The following DCK variants were observed in gnomAD, a reference collection of about 807,000 sequenced individuals.
DCK encodes deoxycytidine kinase.
A neutral mutation model predicts 38.3 loss-of-function variants in DCK; 23 were observed. The observed-to-expected ratio is 0.60, with a 90% CI of 0.43 to 0.85. The LOEUF is 0.85. DCK is among the 40% of genes least tolerant of loss of function. The probability of loss-of-function intolerance (pLI) is 0.00; values close to 1 mark genes in which losing one functional copy is unlikely to be tolerated. For synonymous variants in DCK, 108 were observed against 100.6 expected (o/e 1.07, Z -0.44); for missense variants, 259 against 304.4 (o/e 0.85, Z 1.11).
rs570813765 is a variant in DCK, at chr4:71,025,758, G to C, written c.550-58G>C. Reference sequence around the variant, plus strand: ...CACAGAAAAGAAAATTTTGATGGCAGCAGACAAGAATAATTGTTCCCTGCC... The same window carrying C: ...CACAGAAAAGAAAATTTTGATGGCACCAGACAAGAATAATTGTTCCCTGCC... On this transcript the variant is annotated intron_variant, in intron 4 of 6. Transcript: ENST00000286648. 484 of 1,511,336 alleles carry C rather than the reference G, an allele frequency of 3.2e-4. 6 individuals carry two copies. The South Asian group carries it at 6.0e-3, about 19-fold the overall frequency. The allele number at this position is 1,511,336 out of a possible 1,614,324, so 93.6% of individuals were successfully genotyped here. A position where few individuals can be genotyped will look rare whatever the true frequency, so the allele number is the denominator to read the frequency against.
intron 2 of DCK, among the ~76,000 whole-genome samples, chr4:71,015,362 G>C (rs1395830233): frequency 2.0e-5 from 3 of 152,314 alleles, no homozygotes; most frequent in Middle Eastern, 3.4e-3. Context: ...GTACAAGGAG[G>C]AGCTGGTACC....
rs201460017 is a variant in DCK, at chr4:71,023,633, A to G, written c.476A>G (p.His159Arg). The G allele has an allele frequency of 1.9e-6, 3 of 1,613,384 alleles. No homozygotes were observed. Among genetic ancestry groups the G allele is most frequent in the Non-Finnish European group, 2.5e-6 (3 of 1,179,398 alleles). The change falls in exon 4 of 7, where the codon CAT becomes CGT. Residue 159 changes from histidine to arginine, a missense_variant. His to Arg is a conservative substitution (Grantham distance 29). Transcript: ENST00000286648. Reference sequence around the variant, plus strand: ...GAGTGGACAATTTATCAAGACTGGCATGACTGGATGAATAACCAATTTGGC... The same window carrying G: ...GAGTGGACAATTTATCAAGACTGGCGTGACTGGATGAATAACCAATTTGGC... Reference protein sequence around the residue: ...ETEWTIYQDWHDWMNNQFGQS... With the variant: ...ETEWTIYQDWRDWMNNQFGQS...
rs149277834 is a variant in DCK at position 71,022,374 on chromosome 4, C to G, written c.215C>G (p.Thr72Arg). Reference protein sequence around the residue: ...QSTQDEFEELTMSQKNGGNVL... With the variant: ...QSTQDEFEELRMSQKNGGNVL... Reference sequence around the variant, plus strand: ...TTTGCACATTCAAAATAGGAACTTACAATGTCTCAGAAAAATGGTGGGAAT... The same window carrying G: ...TTTGCACATTCAAAATAGGAACTTAGAATGTCTCAGAAAAATGGTGGGAAT... The change falls in exon 3 of 7, where the codon ACA (threonine) becomes AGA (arginine). Residue 72 changes from threonine to arginine, a missense_variant. This residue lies in a region of DCK where 159 missense variants were observed against 159.0 expected (regional missense o/e 1.00). Transcript: ENST00000286648. The G allele has an allele frequency of 6.6e-7, 1 of 1,512,130 alleles. No individual in the cohort carries two copies. Among genetic ancestry groups the G allele is most frequent in the Non-Finnish European group, 8.9e-7 (1 of 1,128,388 alleles). 93.7% of individuals were successfully genotyped at this position (1,512,130 alleles called of 1,614,324 possible). A position where few individuals can be genotyped will look rare whatever the true frequency, so the allele number is the denominator to read the frequency against.
At chr4:71,028,758 A>AT (rs1242836464) in intron 6 of DCK, 28 of 187,182 alleles carry the variant, frequency 1.5e-4, no homozygotes, top group East Asian at 2.4e-4. Flanking sequence ...ATGCCTAGCT[A>AT]ATTTTTTTTT....
rs201955426 is a variant in DCK, at chr4:71,022,444, C to G, written c.285C>G (p.Thr95=). Residue 95 remains threonine (T), a synonymous_variant, in exon 3 of 7, where the codon ACC becomes ACG. Coordinates refer to ENST00000286648, the MANE Select transcript of DCK (RefSeq NM_000788.3). ...MYEKPERWSF[T]FQTYACLSRI... The stretch of plus-strand genomic sequence containing the variant: ...AGAAACCTGAACGATGGTCTTTTAC[C>G]TTCCAAACATATGCCTGTCTCAGTC... 2.9e-5 allele frequency: 47 copies of G among 1,609,856 alleles called. No homozygotes were observed. The highest frequency in any genetic ancestry group is 3.7e-5 in the Non-Finnish European group (44 of 1,178,244).
At chr4:70,999,210 C>T (rs997614503) in intron 2 of DCK, among the ~76,000 whole-genome samples, 3 of 152,064 alleles carry the variant, frequency 2.0e-5, no homozygotes, top group African/African-American at 7.2e-5. Context: ...GTGATGTTCC[C>T]CTCCCTGTGC....
Position 71,022,572 on chromosome 4 carries a change from T to G in DCK, c.401+12T>G. ...GTGTATAGTGACAGGTATGTATAAATGGCTTGTACGTGGCCATTTGAAGTT... is the reference window on the plus strand; with the variant it reads ...GTGTATAGTGACAGGTATGTATAAAGGGCTTGTACGTGGCCATTTGAAGTT... On this transcript the variant is annotated intron_variant, in intron 3 of 6. Transcript: ENST00000286648. The G allele has an allele frequency of 7.0e-7, 1 of 1,424,454 alleles. No individual in the cohort carries two copies. Among genetic ancestry groups the G allele is most frequent in the Non-Finnish European group, 9.2e-7 (1 of 1,085,658 alleles). The allele number at this position is 1,424,454 out of a possible 1,614,324, so 88.2% of individuals were successfully genotyped here.
rs192627157 is a variant in DCK at position 71,018,322 on chromosome 4, G to T, written c.208-4045G>T. Among the ~76,000 whole-genome samples the T allele has an allele frequency of 5.1e-4, 77 of 151,956 alleles. No individual in the cohort carries two copies. In the East Asian group the frequency reaches 0.014, roughly 28 times the overall value. On this transcript the variant is annotated intron_variant, in intron 2 of 6. Coordinates refer to ENST00000286648, the MANE Select transcript of DCK (RefSeq NM_000788.3). ...TTTTGGTATTTTTAGTAGAGACAGG[G>T]TTTCACCGTGTTAGCCAGGATGGTC...
At chr4:71,010,798 G>A (rs1303548159) in intron 2 of DCK, among the ~76,000 whole-genome samples, 7 of 150,660 alleles carry the variant, frequency 4.6e-5, no homozygotes, top group Admixed American at 6.6e-5. Context: ...ATTAACATAC[G>A]CATTACCCGT....
chr4:71,016,601 A>G (rs1252128695), intron 2 of DCK, among the ~76,000 whole-genome samples: 2 of 152,256 alleles, frequency 1.3e-5, no homozygotes, highest in African/African-American at 2.4e-5. Context: ...GACCAATGGA[A>G]CAGACCAGAG....
Position 71,014,851 on chromosome 4 carries a change from A to G in DCK, c.208-7516A>G, listed in dbSNP as rs1033769259. Among the ~76,000 whole-genome samples, 8 of 152,232 alleles carry G rather than the reference A, an allele frequency of 5.3e-5. No individual in the cohort carries two copies. In the South Asian group the frequency reaches 6.2e-4, roughly 12 times the overall value. On this transcript the variant is annotated intron_variant, in intron 2 of 6. Coordinates refer to ENST00000286648, the MANE Select transcript of DCK (RefSeq NM_000788.3). ...CTAAAATTGACACCCTAACATCACAATTAAAAGAACTAGAGAAGCAAGAGT... is the reference window on the plus strand; with the variant it reads ...CTAAAATTGACACCCTAACATCACAGTTAAAAGAACTAGAGAAGCAAGAGT...
chr4:71,017,075 A>G, intron 2 of DCK, among the ~76,000 whole-genome samples: 1 of 152,238 alleles, frequency 6.6e-6, no homozygotes, highest in Non-Finnish European at 1.5e-5. Flanking sequence ...ATGAACTCAA[A>G]CAAATTTACA....
intron 2 of DCK, among the ~76,000 whole-genome samples, chr4:71,020,767 C>A (rs1427861185): frequency 6.6e-6 from 1 of 152,052 alleles, no homozygotes; most frequent in Non-Finnish European, 1.5e-5. Context: ...TCAAATTATT[C>A]TTTCTTTGAC....
At chr4:70,999,864 G>T (rs1739758385) in intron 2 of DCK, among the ~76,000 whole-genome samples, 1 of 151,950 alleles carries the variant, frequency 6.6e-6, no homozygotes, top group Non-Finnish European at 1.5e-5. Flanking sequence ...TTCTGATTGG[G>T]TTGTTTGTTT....
At chr4:70,998,017 T>C (rs751420832) in intron 1 of DCK, 50 bp from the exon 2 acceptor site, 2 of 965,936 alleles carry the variant, frequency 2.1e-6, no homozygotes, top group African/African-American at 1.9e-5. Context: ...ACTTGACATC[T>C]TTTTTTCCTG....
intron 2 of DCK, among the ~76,000 whole-genome samples, chr4:71,012,868 C>T (rs1489478976): frequency 6.6e-6 from 1 of 152,218 alleles, no homozygotes; most frequent in African/African-American, 2.4e-5. Context: ...CTCTCACCTC[C>T]AAAGGAACAC....
intron 2 of DCK, 24 bp downstream of exon 2, chr4:70,998,206 A>T (rs369907438): frequency 8.4e-7 from 1 of 1,196,186 alleles, no homozygotes; most frequent in African/African-American, 1.5e-5. Context: ...ATTTAAGTAG[A>T]TAAAAGCCTC....
chr4:70,996,285 A>G (rs754133591), intron 1 of DCK, among the ~76,000 whole-genome samples: 2 of 151,146 alleles, frequency 1.3e-5, no homozygotes, highest in South Asian at 4.2e-4. Flanking sequence ...GATCTTTGAG[A>G]CCTATAGTTT....
At chr4:71,007,236 T>C (rs1739967580) in intron 2 of DCK, among the ~76,000 whole-genome samples, 1 of 152,200 alleles carries the variant, frequency 6.6e-6, no homozygotes, top group Admixed American at 6.5e-5. Flanking sequence ...GCAAGGTTAG[T>C]CTACAGTAGA....
Sources: allele counts gnomAD v4.1 joint callset (sites outside exome capture counted in the v4.1 genomes callset), GRCh38; gene constraint gnomAD v4.1.1; regional missense constraint gnomAD v4.1.1; transcripts MANE v1.5; gene names NCBI Gene and HGNC (gene_info 2026-07-23, HGNC 2026-07-21).